Variants in DMD observed in about 807,000 individuals in gnomAD.
The protein encoded by DMD is dystrophin, also known as mutant dystrophin.
A neutral mutation model predicts 330.1 loss-of-function variants in DMD; 63 were observed. The ratio of observed to expected loss-of-function variants is 0.19; its 90% CI spans 0.16 to 0.24. The LOEUF (loss-of-function observed/expected upper bound fraction) is 0.24. Among genes scored for constraint, DMD ranks in the 10% least tolerant of loss-of-function variants. The pLI is 1.00. For missense variants in DMD, 3,344 were observed against 2,684.1 expected, an observed-to-expected ratio of 1.25 and a Z score of -5.43; for synonymous variants, 1,223 against 959.8, an observed-to-expected ratio of 1.27 and a Z score of -5.07.
intron 2 of DMD, among the ~76,000 whole-genome samples, chrX:32,869,143 A>G (rs548859799): frequency 7.5e-4 from 83 of 111,130 alleles, no homozygotes; most frequent in African/African-American, 2.6e-3. Context: ...CGAACCCCCA[A>G]CAAACTGCAG....
rs1299498477 is a variant in DMD, at chrX:31,119,818, G to GTAAT, written c.*2097_*2100dup. On this transcript the variant is annotated 3_prime_UTR_variant, in exon 79 of 79. Coordinates refer to ENST00000357033, the MANE Select transcript of DMD (RefSeq NM_004006.3). The stretch of plus-strand genomic sequence containing the variant: ...TGCAAGACAAAAACCAAATCTTCAT[G>GTAAT]TAATTTGGTAATTTGTTACCTTAGA... The GTAAT allele has an allele frequency of 9.0e-6, 1 of 111,405 alleles. No individual in the cohort carries two copies. The highest frequency in any genetic ancestry group is 1.9e-5 in the Non-Finnish European group (1 of 53,013). The allele number at this position is 111,405 out of a possible 1,213,427, so 9.2% of individuals were successfully genotyped here.
chrX:31,646,627 C>T (rs1014084876), intron 54 of DMD, among the ~76,000 whole-genome samples: 6 of 111,696 alleles, frequency 5.4e-5, no homozygotes, highest in Non-Finnish European at 7.5e-5. Context: ...TGACTACTAA[C>T]AGCTCACAGC....
chrX:32,443,256 C>T (rs2098289465), intron 27 of DMD, among the ~76,000 whole-genome samples: 1 of 110,918 alleles, frequency 9.0e-6, no homozygotes, highest in Admixed American at 9.6e-5. Context: ...TGTTCATAGC[C>T]CTTAGAATGA....
intron 44 of DMD, among the ~76,000 whole-genome samples, chrX:32,077,809 T>A (rs2096364380): frequency 8.9e-6 from 1 of 111,774 alleles, no homozygotes; most frequent in South Asian, 3.8e-4. Context: ...TATCTTTTCA[T>A]TATACTGAGC....
At position 31,242,374 on chromosome X, in the gene DMD, C is replaced by T. The variant is rs187128989; in HGVS notation, c.9286+18581G>A. Among the ~76,000 whole-genome samples, 71 of 106,944 alleles carry T rather than the reference C, an allele frequency of 6.6e-4. No homozygotes were observed. The Admixed American group carries it at 7.2e-3, about 11-fold the overall frequency. The allele number at this position is 106,944 out of a possible 115,157, so 92.9% of individuals were successfully genotyped here. A position where few individuals can be genotyped will look rare whatever the true frequency, so the allele number is the denominator to read the frequency against. The stretch of plus-strand genomic sequence containing the variant: ...TCATACCTTTGTTTATGCTGCTACA[C>T]TATCTGGAATATCTTGGCCCTACAT... On this transcript the variant is annotated intron_variant, in intron 63 of 78. Coordinates refer to ENST00000357033, the MANE Select transcript of DMD (RefSeq NM_004006.3).
intron 7 of DMD, among the ~76,000 whole-genome samples, chrX:32,739,531 GGA>G (rs2068962516): frequency 9.0e-6 from 1 of 111,492 alleles, no homozygotes; most frequent in Admixed American, 9.6e-5. Context: ...AGAATGATTT[GGA>G]AAAGGTTTGT....
chrX:33,331,386 C>T (rs1447997221), intron 1 of DMD, among the ~76,000 whole-genome samples: 1 of 112,033 alleles, frequency 8.9e-6, no homozygotes, highest in Non-Finnish European at 1.9e-5. Context: ...ATTAGTGTCA[C>T]TTTCAATAAT....
intron 9 of DMD, among the ~76,000 whole-genome samples, chrX:32,668,019 G>T (rs770183482): frequency 1.8e-5 from 2 of 110,285 alleles, no homozygotes; most frequent in Admixed American, 1.9e-4. Flanking sequence ...CATGGTGGCA[G>T]GTGCCTGTAA....
chrX:31,879,659 T>C (rs1179749718), intron 47 of DMD, among the ~76,000 whole-genome samples: 2 of 111,267 alleles, frequency 1.8e-5, no homozygotes, highest in East Asian at 5.6e-4. Flanking sequence ...CACTTAATGG[T>C]TGGGTGGAAA....
intron 60 of DMD, among the ~76,000 whole-genome samples, chrX:31,378,917 T>A (rs2060018865): frequency 9.0e-6 from 1 of 111,115 alleles, no homozygotes; most frequent in Non-Finnish European, 1.9e-5. Context: ...TTGACAGTAG[T>A]TCCAAATAGC....
intron 51 of DMD, among the ~76,000 whole-genome samples, chrX:31,771,507 A>AT (rs558195526): frequency 1.1e-4 from 11 of 104,664 alleles, no homozygotes; most frequent in Admixed American, 2.1e-4. Context: ...TTCCCCCTAA[A>AT]TTTTTTTTTT....
intron 13 of DMD, among the ~76,000 whole-genome samples, chrX:32,584,504 C>T (rs749957674): frequency 1.3e-4 from 15 of 111,831 alleles, no homozygotes; most frequent in African/African-American, 4.2e-4. Context: ...ATTTGTAATG[C>T]TTCCGAACTG....
Position 33,211,259 on chromosome X carries a change from A to G in DMD, c.31+23T>C, listed in dbSNP as rs1216707005. 3 of 1,203,393 alleles carry G rather than the reference A, an allele frequency of 2.5e-6. No individual in the cohort carries two copies. The highest frequency in any genetic ancestry group is 3.4e-6 in the Non-Finnish European group (3 of 891,124). On this transcript the variant is annotated intron_variant, in intron 1 of 78. Transcript: ENST00000357033. ...TAAACGTTATGCCACAGTAAAATAT[A>G]TTTTTAGTTACTTTGTACTTACAAC...
At chrX:32,642,079 A>G (rs757158668) in intron 11 of DMD, among the ~76,000 whole-genome samples, 3 of 111,802 alleles carry the variant, frequency 2.7e-5, no homozygotes, top group Admixed American at 9.5e-5. Context: ...ATCTTTCAAA[A>G]ATCAGGTTCA....
intron 44 of DMD, among the ~76,000 whole-genome samples, chrX:32,073,882 T>G (rs1011080326): frequency 4.5e-5 from 5 of 111,556 alleles, no homozygotes; most frequent in African/African-American, 1.6e-4. Context: ...TTATCTGATC[T>G]TATAAGGTTA....
chrX:31,451,445 G>A (rs1304977033), intron 59 of DMD, among the ~76,000 whole-genome samples: 6 of 108,381 alleles, frequency 5.5e-5, no homozygotes, highest in African/African-American at 2.0e-4. Context: ...ACCACGCCTG[G>A]CTAATTTTGT....
chrX:33,069,201 A>G (rs757802909), intron 1 of DMD, among the ~76,000 whole-genome samples: 11 of 110,960 alleles, frequency 9.9e-5, no homozygotes, highest in African/African-American at 3.6e-4. Flanking sequence ...TGGCCAATCT[A>G]TTTCTATAGC....
chrX:32,072,768 G>GA (rs1179188051), intron 44 of DMD, among the ~76,000 whole-genome samples: 3 of 110,744 alleles, frequency 2.7e-5, no homozygotes, highest in East Asian at 2.8e-4. Flanking sequence ...GTAGCCTGGG[G>GA]AAAAAAAATC....
chrX:33,299,902 T>C (rs1364324475), intron 1 of DMD, among the ~76,000 whole-genome samples: 1 of 112,044 alleles, frequency 8.9e-6, no homozygotes, highest in East Asian at 2.8e-4. Context: ...TGCACTTAAA[T>C]AGCATGCTGC....
Sources: allele counts gnomAD v4.1 joint callset (sites outside exome capture counted in the v4.1 genomes callset), GRCh38; gene constraint gnomAD v4.1.1; transcripts MANE v1.5; gene names NCBI Gene and HGNC (gene_info 2026-07-23, HGNC 2026-07-21).